The following CFAP20DC variants were observed in gnomAD, a reference collection of about 807,000 sequenced individuals.
The protein encoded by CFAP20DC is CFAP20 domain containing.
In CFAP20DC, 84 loss-of-function variants were observed where a neutral mutation model predicts 101.7. The ratio of observed to expected loss-of-function variants is 0.83; its 90% CI spans 0.69 to 0.99. The LOEUF is 0.99. CFAP20DC is among the 50% of genes least tolerant of loss of function. The pLI is 0.00. For synonymous variants in CFAP20DC, 359 were observed against 351.2 expected (o/e 1.02, Z -0.25); for missense variants, 1,007 against 970.3 (o/e 1.04, Z -0.50).
intron 15 of CFAP20DC, among the ~76,000 whole-genome samples, chr3:58,775,043 A>C (rs781771987): frequency 7.2e-5 from 11 of 152,168 alleles, no homozygotes; most frequent in Non-Finnish European, 1.3e-4. Flanking sequence ...TATTTTGCCA[A>C]GGTTGAGGAT....
chr3:58,936,759 C>G (rs1421890083), intron 5 of CFAP20DC, among the ~76,000 whole-genome samples: 2 of 152,022 alleles, frequency 1.3e-5, no homozygotes, highest in South Asian at 2.1e-4. Flanking sequence ...GAACATCACA[C>G]TCTGGGGACT....
chr3:59,016,422 A>G (rs1365215927), intron 4 of CFAP20DC, among the ~76,000 whole-genome samples: 2 of 152,236 alleles, frequency 1.3e-5, no homozygotes, highest in East Asian at 3.9e-4. Flanking sequence ...TAACAGATAC[A>G]AAACTACAGC....
chr3:58,844,354 T>A, intron 13 of CFAP20DC, among the ~76,000 whole-genome samples: 2 of 138,524 alleles, frequency 1.4e-5, no homozygotes, highest in African/African-American at 5.8e-5. Context: ...AAGGCAGGGG[T>A]TGCAATCCTA....
intron 6 of CFAP20DC, among the ~76,000 whole-genome samples, chr3:58,885,607 C>T (rs1034190334): frequency 6.7e-6 from 1 of 150,244 alleles, no homozygotes; most frequent in Non-Finnish European, 1.5e-5. Flanking sequence ...TTTCCCTACC[C>T]CTCCCTTCCC....
At position 58,941,098 on chromosome 3, in the gene CFAP20DC, A is replaced by C. The variant is rs554408121; in HGVS notation, c.279-3336T>G. Among the ~76,000 whole-genome samples, 6 of 152,270 alleles carry C rather than the reference A, an allele frequency of 3.9e-5. No individual in the cohort carries two copies. The South Asian group carries it at 1.0e-3, about 26-fold the overall frequency. ...GAAATCCCAGCACTTTGGGAGGCTGAGGCGGGTGGATCACGAGGTCAAGAG... is the reference window on the plus strand; with the variant it reads ...GAAATCCCAGCACTTTGGGAGGCTGCGGCGGGTGGATCACGAGGTCAAGAG... On this transcript the variant is annotated intron_variant, in intron 4 of 16. Coordinates refer to ENST00000482387, the MANE Select transcript of CFAP20DC (RefSeq NM_001394063.1).
intron 15 of CFAP20DC, among the ~76,000 whole-genome samples, chr3:58,761,911 A>C (rs2107374321): frequency 6.6e-6 from 1 of 152,182 alleles, no homozygotes; most frequent in East Asian, 1.9e-4. Context: ...ACAGTTTGTT[A>C]TAATTTCTGT....
At chr3:58,816,968 G>A (rs1202376681) in intron 14 of CFAP20DC, among the ~76,000 whole-genome samples, 4 of 152,170 alleles carry the variant, frequency 2.6e-5, no homozygotes, top group African/African-American at 9.6e-5. Context: ...GCCTCCTCAA[G>A]TGGGTCCCTG....
intron 6 of CFAP20DC, among the ~76,000 whole-genome samples, chr3:58,898,172 G>A (rs1260804761): frequency 6.7e-6 from 1 of 149,430 alleles, no homozygotes; most frequent in East Asian, 1.9e-4. Context: ...TTCTGTTACT[G>A]ATACTTTTTT....
At chr3:58,909,558 T>C (rs1439096279) in intron 6 of CFAP20DC, among the ~76,000 whole-genome samples, 1 of 152,156 alleles carries the variant, frequency 6.6e-6, no homozygotes, top group East Asian at 1.9e-4. Context: ...ATTTTTTTCC[T>C]GGAAACTTTT....
intron 5 of CFAP20DC, among the ~76,000 whole-genome samples, chr3:58,920,773 T>C (rs905334253): frequency 1.3e-5 from 2 of 152,194 alleles, no homozygotes; most frequent in African/African-American, 2.4e-5. Flanking sequence ...ACTATCTTTG[T>C]CTGATTTTGT....
chr3:58,846,838 C>T (rs1333495070), intron 13 of CFAP20DC, among the ~76,000 whole-genome samples: 5 of 148,534 alleles, frequency 3.4e-5, no homozygotes, highest in East Asian at 2.0e-4. Flanking sequence ...TGGAACAGAA[C>T]AGAGCCCTCA....
At chr3:58,910,680 AGT>A (rs2084059472) in intron 6 of CFAP20DC, among the ~76,000 whole-genome samples, 1 of 152,014 alleles carries the variant, frequency 6.6e-6, no homozygotes, top group South Asian at 2.1e-4. Flanking sequence ...TGTTTCTTCT[AGT>A]CTCTCTTTCT....
At position 58,861,390 on chromosome 3, in the gene CFAP20DC, GTA is replaced by G. The variant is rs1316400169; in HGVS notation, c.1593+2166_1593+2167del. On this transcript the variant is annotated intron_variant, in intron 12 of 16. Coordinates refer to ENST00000482387, the MANE Select transcript of CFAP20DC (RefSeq NM_001394063.1). This position sits in a 1 kb window ranked among gnomAD's most constrained non-coding sequence, Gnocchi z 4.0. The stretch of plus-strand genomic sequence containing the variant: ...ACATTCTAAAATAATGCAATTAATA[GTA>G]AGGATGCCTTAATTAACTAAACTGA... 3 of 770,004 alleles carry G rather than the reference GTA, an allele frequency of 3.9e-6. No individual in the cohort carries two copies. In the African/African-American group the frequency reaches 5.7e-5, roughly 15 times the overall value. 47.7% of individuals were successfully genotyped at this position (770,004 alleles called of 1,614,324 possible).
chr3:59,029,891 A>G (rs1489369822), intron 4 of CFAP20DC, among the ~76,000 whole-genome samples: 2 of 152,186 alleles, frequency 1.3e-5, no homozygotes, highest in Non-Finnish European at 2.9e-5. Context: ...CCTGACAATA[A>G]GAGGAATTCA....
chr3:58,972,222 A>G (rs893292698), intron 4 of CFAP20DC, among the ~76,000 whole-genome samples: 6 of 152,162 alleles, frequency 3.9e-5, no homozygotes, highest in Admixed American at 2.0e-4. Flanking sequence ...GCTCATACCC[A>G]TGAGGGGAAT....
At chr3:58,734,822 C>T (rs1369381792) in intron 3 of CFAP20DC, among the ~76,000 whole-genome samples, 1 of 152,164 alleles carries the variant, frequency 6.6e-6, no homozygotes, top group Admixed American at 6.5e-5. Flanking sequence ...AGGCTGTGTA[C>T]AAAACAGACT....
intron 14 of CFAP20DC, among the ~76,000 whole-genome samples, chr3:58,810,059 C>T (rs1359761201): frequency 6.6e-6 from 1 of 152,112 alleles, no homozygotes; most frequent in African/African-American, 2.4e-5. Context: ...TGGCAATAAT[C>T]AATAGCTTAC....
chr3:58,802,469 C>T (rs548863959), intron 15 of CFAP20DC, among the ~76,000 whole-genome samples: 26 of 152,304 alleles, frequency 1.7e-4, no homozygotes, highest in Admixed American at 3.3e-4. Flanking sequence ...GTTTGGTGGA[C>T]GCTGGAGGCA....
At chr3:58,943,342 G>T (rs1207025781) in intron 4 of CFAP20DC, among the ~76,000 whole-genome samples, 1 of 152,156 alleles carries the variant, frequency 6.6e-6, no homozygotes, top group African/African-American at 2.4e-5. Context: ...CGTCTGGCAG[G>T]TGCCCCTCTG....
Sources: gnomAD v4.1 joint callset for allele counts (sites outside exome capture counted in the v4.1 genomes callset) on GRCh38, gnomAD v4.1.1 for gene constraint, Gnocchi (gnomAD v3.1) non-coding constraint, MANE v1.5 for transcripts, NCBI Gene and HGNC (gene_info 2026-07-23, HGNC 2026-07-21) for gene names.